ZNF382: variants seen among roughly 807,000 people sequenced by gnomAD.
ZNF382 encodes KRAB/zinc finger suppressor protein 1.
ZNF382 carries 20 observed loss-of-function variants against 38.8 expected under a neutral mutation model. The ratio of observed to expected loss-of-function variants is 0.51; its 90% CI spans 0.36 to 0.75. ZNF382 has a LOEUF of 0.75. Ranked by LOEUF, ZNF382 falls within the 30% of genes least tolerant of loss-of-function variation. The probability of loss-of-function intolerance (pLI) is 0.00; values close to 1 mark genes in which losing one functional copy is unlikely to be tolerated. For missense variants in ZNF382, 546 were observed against 654.1 expected (o/e 0.83, Z 1.80); for synonymous variants, 202 against 223.1 (o/e 0.91, Z 0.84).
chr19:36,626,179 A>G lies in ZNF382; in HGVS notation c.282A>G (p.Gln94=), dbSNP rs189191111. The part of the protein sequence containing the change: ...EDVLVKFKEY[Q]DRHSRPLIFI... ...TCTTAGTGAAGTTCAAAGAATACCA[A>G]GACAGGCATTCTAGACCCCTCATAT... The change falls in exon 5 of 5, where the codon CAA becomes CAG. Residue 94 remains glutamine, a synonymous_variant. Transcript: ENST00000292928. 5 of 1,574,986 alleles carry G rather than the reference A, an allele frequency of 3.2e-6. No homozygotes were observed. The highest frequency in any genetic ancestry group is 2.1e-5 in the Admixed American group (1 of 48,386).
rs2037266526 is a variant in ZNF382, at chr19:36,633,527, A to G, written c.*5977A>G. 1 of 152,208 alleles carries G rather than the reference A, an allele frequency of 6.6e-6. No homozygotes were observed. Among genetic ancestry groups the G allele is most frequent in the Non-Finnish European group, 1.5e-5 (1 of 68,042 alleles). 9.4% of individuals were successfully genotyped at this position (152,208 alleles called of 1,614,324 possible). On this transcript the variant is annotated 3_prime_UTR_variant, in exon 5 of 5. Coordinates refer to ENST00000292928, the MANE Select transcript of ZNF382 (RefSeq NM_032825.5). ...TGGTAAAGCCGGTCTGGAAAACAAT[A>G]TGCCAGTCTCAAAAAGTTACACATC...
intron 4 of ZNF382, among the ~76,000 whole-genome samples, chr19:36,613,999 T>G (rs1388078112): frequency 6.6e-6 from 1 of 152,184 alleles, no homozygotes; most frequent in Non-Finnish European, 1.5e-5. Flanking sequence ...AACTTTATAA[T>G]AAGTCTGGAA....
rs1230386299 is a variant in ZNF382, at chr19:36,631,266, G to A, written c.*3716G>A. 2 of 152,220 alleles carry A rather than the reference G, an allele frequency of 1.3e-5. No homozygotes were observed. Among genetic ancestry groups the A allele is most frequent in the East Asian group, 1.9e-4 (1 of 5,182 alleles). 9.4% of individuals were successfully genotyped at this position (152,220 alleles called of 1,614,324 possible). A position where few individuals can be genotyped will look rare whatever the true frequency, so the allele number is the denominator to read the frequency against. ...ATATGGTAGAGCCTGTTGCTCCTAG[G>A]CTACAAATCTGTACTGCATGTTACT... On this transcript the variant is annotated 3_prime_UTR_variant, in exon 5 of 5. Transcript: ENST00000292928.
chr19:36,613,187 C>T (rs964991019), intron 4 of ZNF382, among the ~76,000 whole-genome samples: 11 of 152,072 alleles, frequency 7.2e-5, no homozygotes, highest in African/African-American at 2.7e-4. Flanking sequence ...ATCTTTTGTT[C>T]AATGTATGTA....
Position 36,610,755 on chromosome 19 carries a change from A to G in ZNF382, c.232+13A>G, listed in dbSNP as rs781454931. On this transcript the variant is annotated intron_variant, in intron 4 of 4. Transcript: ENST00000292928. ...TACAGCTACCTAGGTGAGTCTATAA[A>G]TGAAGTCTAGTGAACATTAAATGTC... 6.3e-7 allele frequency: 1 copy of G among 1,593,692 alleles called. No homozygotes were observed. Among genetic ancestry groups the G allele is most frequent in the South Asian group, 1.1e-5 (1 of 89,838 alleles).
chr19:36,612,275 T>C (rs2037083690), intron 4 of ZNF382, among the ~76,000 whole-genome samples: 1 of 152,240 alleles, frequency 6.6e-6, no homozygotes, highest in South Asian at 2.1e-4. Flanking sequence ...GATTTATACA[T>C]GTTTCTGCAT....
chr19:36,627,686 AC>A lies in ZNF382; in HGVS notation c.*137del. 1.8e-6 allele frequency: 1 copy of A among 545,302 alleles called. No individual in the cohort carries two copies. Among genetic ancestry groups the A allele is most frequent in the Non-Finnish European group, 3.2e-6 (1 of 310,914 alleles). 33.8% of individuals were successfully genotyped at this position (545,302 alleles called of 1,614,324 possible). ...TACTGTTTGCCAGCCTGTAAAACACACACACACACACACACACACACACAAA... is the reference window on the plus strand; with the variant it reads ...TACTGTTTGCCAGCCTGTAAAACACAACACACACACACACACACACACAAA... On this transcript the variant is annotated 3_prime_UTR_variant, in exon 5 of 5. Transcript: ENST00000292928.
In ZNF382 at chr19:36,626,622, A is replaced by G. The variant is rs779836986; in HGVS notation, c.725A>G (p.Tyr242Cys). The part of the protein sequence containing the change: ...RAHRGERTFE[Y>C]NKDGIAFIEK... ...CACAGAGGAGAAAGAACCTTTGAAT[A>G]CAATAAAGATGGAATTGCCTTCATA... The change falls in exon 5 of 5, where the codon TAC becomes TGC. Residue 242 changes from tyrosine to cysteine, a missense_variant. Coordinates refer to ENST00000292928, the MANE Select transcript of ZNF382 (RefSeq NM_032825.5). The G allele has an allele frequency of 1.9e-6, 3 of 1,614,228 alleles. No homozygotes were observed. The highest frequency in any genetic ancestry group is 2.2e-5 in the South Asian group (2 of 91,078).
At chr19:36,624,633 G>C (rs985450271) in intron 4 of ZNF382, among the ~76,000 whole-genome samples, 22 of 152,078 alleles carry the variant, frequency 1.4e-4, no homozygotes, top group Admixed American at 1.2e-3. Flanking sequence ...GTGATGTATT[G>C]GGAGGAAAAC....
chr19:36,612,476 G>A (rs1244434117), intron 4 of ZNF382, among the ~76,000 whole-genome samples: 1 of 152,146 alleles, frequency 6.6e-6, no homozygotes, highest in South Asian at 2.1e-4. Context: ...ACGTAGCAGC[G>A]ATATCGCTGA....
At position 36,632,489 on chromosome 19, in the gene ZNF382, A is replaced by C. The variant is rs1449651403; in HGVS notation, c.*4939A>C. 1 of 152,268 alleles carries C rather than the reference A, an allele frequency of 6.6e-6. No homozygotes were observed. The highest frequency in any genetic ancestry group is 2.4e-5 in the African/African-American group (1 of 41,434). 9.4% of individuals were successfully genotyped at this position (152,268 alleles called of 1,614,324 possible). On this transcript the variant is annotated 3_prime_UTR_variant, in exon 5 of 5. Coordinates refer to ENST00000292928, the MANE Select transcript of ZNF382 (RefSeq NM_032825.5). ...ATTATAGGCATGAGCCACCGTGCCC[A>C]GCCACTGCATGGGTATTTATGCTTC...
intron 4 of ZNF382, among the ~76,000 whole-genome samples, chr19:36,612,213 A>G (rs1568627801): frequency 1.3e-5 from 2 of 152,192 alleles, no homozygotes; most frequent in Non-Finnish European, 2.9e-5. Flanking sequence ...CATTTTGTCT[A>G]TTGCAAACCT....
chr19:36,618,062 T>G (rs1452281444), intron 4 of ZNF382, among the ~76,000 whole-genome samples: 1 of 152,236 alleles, frequency 6.6e-6, no homozygotes, highest in Non-Finnish European at 1.5e-5. Context: ...CAAAAATGAA[T>G]GGACCAGGAT....
intron 4 of ZNF382, among the ~76,000 whole-genome samples, chr19:36,625,282 C>G (rs2037203365): frequency 6.6e-6 from 1 of 151,264 alleles, no homozygotes; most frequent in African/African-American, 2.4e-5. Context: ...AGACTGTAGA[C>G]TAATGTTTCT....
At chr19:36,621,406 C>T (rs1202567482) in intron 4 of ZNF382, among the ~76,000 whole-genome samples, 1 of 149,070 alleles carries the variant, frequency 6.7e-6, no homozygotes, top group African/African-American at 2.5e-5. Context: ...CTTTAAATCC[C>T]TCTGTTTTCA....
rs377155785 is a variant in ZNF382, at chr19:36,626,891, G to T, written c.994G>T (p.Ala332Ser). 1 of 1,614,146 alleles carries T rather than the reference G, an allele frequency of 6.2e-7. No homozygotes were observed. Among genetic ancestry groups the T allele is most frequent in the South Asian group, 1.1e-5 (1 of 91,086 alleles). The change falls in exon 5 of 5, where the codon GCC (alanine) becomes TCC (serine). Residue 332 changes from alanine (A) to serine (S), a missense_variant. Transcript: ENST00000292928. ...TTATGTTTGCAATCAATGTGGAAAG[G>T]CCTTCCGTCAGAAGACAGCCCTCAC... ...KPYVCNQCGK[A>S]FRQKTALTLH...
intron 2 of ZNF382, chr19:36,609,446 T>C (rs1043648113): frequency 6.6e-6 from 1 of 152,622 alleles, no homozygotes; most frequent in Middle Eastern, 2.8e-3. Flanking sequence ...CTGGTTTTTT[T>C]CTCCCCATGA....
chr19:36,630,335 G>GTCTAAATA lies in ZNF382; in HGVS notation c.*2786_*2793dup, dbSNP rs2037245642. ...GGTACTTTTGAATGCTTTAAAGAAA[G>GTCTAAATA]TCTAAATAAAGTTGCGTTTTCTTTT... On this transcript the variant is annotated 3_prime_UTR_variant, in exon 5 of 5. Coordinates refer to ENST00000292928, the MANE Select transcript of ZNF382 (RefSeq NM_032825.5). 6.7e-6 allele frequency: 1 copy of GTCTAAATA among 150,206 alleles called. No homozygotes were observed. Among genetic ancestry groups the GTCTAAATA allele is most frequent in the African/African-American group, 2.5e-5 (1 of 40,768 alleles). 9.3% of individuals were successfully genotyped at this position (150,206 alleles called of 1,614,324 possible). A position where few individuals can be genotyped will look rare whatever the true frequency, so the allele number is the denominator to read the frequency against.
rs983160527 is a variant in ZNF382, at chr19:36,632,771, C to T, written c.*5221C>T. Reference sequence around the variant, plus strand: ...CATCTTATAAACATGGTTCCTATAACTGCTGTGTATTTCCTGATAATGTAT... The same window carrying T: ...CATCTTATAAACATGGTTCCTATAATTGCTGTGTATTTCCTGATAATGTAT... On this transcript the variant is annotated 3_prime_UTR_variant, in exon 5 of 5. Coordinates refer to ENST00000292928, the MANE Select transcript of ZNF382 (RefSeq NM_032825.5). 6.6e-6 allele frequency: 1 copy of T among 152,230 alleles called. No homozygotes were observed. The highest frequency in any genetic ancestry group is 1.5e-5 in the Non-Finnish European group (1 of 68,056). The allele number at this position is 152,230 out of a possible 1,614,324, so 9.4% of individuals were successfully genotyped here. A position where few individuals can be genotyped will look rare whatever the true frequency, so the allele number is the denominator to read the frequency against.
Sources: allele counts gnomAD v4.1 joint callset (sites outside exome capture counted in the v4.1 genomes callset), GRCh38; gene constraint gnomAD v4.1.1; transcripts MANE v1.5; gene names NCBI Gene and HGNC (gene_info 2026-07-23, HGNC 2026-07-21).